The following DPYD variants were observed in gnomAD, a reference collection of about 807,000 sequenced individuals.
DPYD encodes the protein dihydropyrimidine dehydrogenase.
A neutral mutation model predicts 116.2 loss-of-function variants in DPYD; 109 were observed. The ratio of observed to expected loss-of-function variants is 0.94; its 90% CI spans 0.80 to 1.10. The LOEUF is 1.10. DPYD is among the 50% of genes least tolerant of loss of function. The probability of loss-of-function intolerance (pLI) is 0.00; values close to 1 mark genes in which losing one functional copy is unlikely to be tolerated. For missense variants in DPYD, 1,302 were observed against 1,254.5 expected, an observed-to-expected ratio of 1.04 and a Z score of -0.57; for synonymous variants, 440 against 432.0, an observed-to-expected ratio of 1.02 and a Z score of -0.23.
chr1:97,792,192 G>C (rs981190346), intron 3 of DPYD, among the ~76,000 whole-genome samples: 10 of 152,228 alleles, frequency 6.6e-5, no homozygotes, highest in African/African-American at 2.4e-4. Context: ...CTTAATCATA[G>C]ATACTCCTGA....
chr1:97,438,292 C>G (rs1249740588), intron 14 of DPYD, among the ~76,000 whole-genome samples: 1 of 152,000 alleles, frequency 6.6e-6, no homozygotes, highest in Non-Finnish European at 1.5e-5. Flanking sequence ...GCACTTTATC[C>G]ATAGATAAAA....
intron 18 of DPYD, among the ~76,000 whole-genome samples, chr1:97,246,387 T>G (rs1454493969): frequency 6.6e-6 from 1 of 152,016 alleles, no homozygotes; most frequent in Non-Finnish European, 1.5e-5. Context: ...CAGACACTGC[T>G]GAAACTTAGA....
chr1:97,618,532 T>C (rs1656437544), intron 8 of DPYD, among the ~76,000 whole-genome samples: 1 of 152,028 alleles, frequency 6.6e-6, no homozygotes, highest in African/African-American at 2.4e-5. Context: ...TGTGCCACCA[T>C]GCCCGGTTAA....
At chr1:97,473,630 GACA>G (rs750946526) in intron 13 of DPYD, among the ~76,000 whole-genome samples, 95 of 152,106 alleles carry the variant, frequency 6.2e-4, no homozygotes, top group Non-Finnish European at 1.2e-3. Flanking sequence ...AAAGTCAAGG[GACA>G]ACAAGTATTG....
chr1:97,150,032 T>A (rs1344170009), intron 20 of DPYD, among the ~76,000 whole-genome samples: 1 of 152,142 alleles, frequency 6.6e-6, no homozygotes, highest in Non-Finnish European at 1.5e-5. Context: ...TACTTCCTCT[T>A]TTTTTCTCTA....
intron 11 of DPYD, among the ~76,000 whole-genome samples, chr1:97,560,342 T>C (rs1046356147): frequency 1.3e-5 from 2 of 152,004 alleles, no homozygotes; most frequent in Non-Finnish European, 2.9e-5. Context: ...AGAAATATAA[T>C]GTAGGTAAAT....
intron 16 of DPYD, among the ~76,000 whole-genome samples, chr1:97,312,862 A>C (rs1667597286): frequency 6.6e-6 from 1 of 151,874 alleles, no homozygotes; most frequent in Non-Finnish European, 1.5e-5. Context: ...AATATAGGTA[A>C]ATTATTTCTA....
At chr1:97,718,833 C>G (rs1028367684) in intron 5 of DPYD, among the ~76,000 whole-genome samples, 2 of 151,318 alleles carry the variant, frequency 1.3e-5, no homozygotes, top group Non-Finnish European at 3.0e-5. Context: ...ATATATAATT[C>G]TTTCAAAATT....
chr1:97,683,774 T>C (rs12059591), intron 7 of DPYD, among the ~76,000 whole-genome samples: 3,023 of 151,948 alleles, frequency 0.02, 110 homozygotes, highest in African/African-American at 0.069. Flanking sequence ...AAAATGCAAA[T>C]ATGGCTAATA....
chr1:97,137,299 G>T (rs1404862559), intron 20 of DPYD, among the ~76,000 whole-genome samples: 1 of 152,238 alleles, frequency 6.6e-6, no homozygotes, highest in Non-Finnish European at 1.5e-5. Flanking sequence ...GCCTCGGAGA[G>T]ACTGAAAATA....
intron 8 of DPYD, among the ~76,000 whole-genome samples, chr1:97,638,148 G>A (rs995873439): frequency 1.3e-5 from 2 of 152,078 alleles, no homozygotes; most frequent in Admixed American, 1.3e-4. Flanking sequence ...TCATCTGGAA[G>A]GCAGAAGGTT....
chr1:97,784,768 T>A (rs902401702), intron 3 of DPYD, among the ~76,000 whole-genome samples: 1 of 152,198 alleles, frequency 6.6e-6, no homozygotes, highest in Non-Finnish European at 1.5e-5. Flanking sequence ...CAATGTGACA[T>A]TGTCATGAGA....
chr1:97,459,892 GT>G (rs1231088381), intron 13 of DPYD, among the ~76,000 whole-genome samples: 2 of 152,046 alleles, frequency 1.3e-5, no homozygotes, highest in African/African-American at 4.8e-5. Flanking sequence ...ATAGTACACT[GT>G]TTAGAAATAC....
At chr1:97,525,758 T>TAGAGAGAGAGAGAGAG (rs58098297) in intron 12 of DPYD, among the ~76,000 whole-genome samples, 6,181 of 108,112 alleles carry the variant, frequency 0.057, 277 homozygotes, top group East Asian at 0.1. Context: ...CCTGGGTAAT[T>TAGAGAGAGAGAGAGAG]AGAGAGAGAG....
At chr1:97,607,570 G>A (rs954022025) in intron 8 of DPYD, among the ~76,000 whole-genome samples, 2 of 151,724 alleles carry the variant, frequency 1.3e-5, no homozygotes, top group Non-Finnish European at 2.9e-5. Context: ...CAGGGAGAGC[G>A]TATACAATAA....
intron 1 of DPYD, among the ~76,000 whole-genome samples, chr1:97,912,448 T>G (rs1014554727): frequency 1.3e-5 from 2 of 152,132 alleles, no homozygotes; most frequent in African/African-American, 4.8e-5. Flanking sequence ...GAAATGCTTT[T>G]GATAGGACAA....
chr1:97,306,283 C>T lies in DPYD; in HGVS notation c.2073G>A (p.Val691=), dbSNP rs1170908470. The T allele has an allele frequency of 6.2e-7, 1 of 1,612,166 alleles. No homozygotes were observed. Among genetic ancestry groups the T allele is most frequent in the Non-Finnish European group, 8.5e-7 (1 of 1,178,784 alleles). Residue 691 remains valine (V), a synonymous_variant, in exon 17 of 23, where the codon GTG becomes GTA. Coordinates refer to ENST00000370192, the MANE Select transcript of DPYD (RefSeq NM_000110.4). ...GCCTAACCCAGCGGCAGATGTTCCG[C>T]ACCAGCTCTGGATCCTGTTCAAATA... The part of the protein sequence containing the change: ...GLACGQDPEL[V]RNICRWVRQA...
At chr1:97,080,743 A>C (rs893546456) in intron 22 of DPYD, among the ~76,000 whole-genome samples, 3 of 152,164 alleles carry the variant, frequency 2.0e-5, no homozygotes, top group Admixed American at 6.6e-5. Flanking sequence ...AAAATCTGCA[A>C]AGATATAAAA....
chr1:97,334,467 CA>C (rs1257164019), intron 16 of DPYD, among the ~76,000 whole-genome samples: 1 of 152,064 alleles, frequency 6.6e-6, no homozygotes, highest in Non-Finnish European at 1.5e-5. Context: ...CATTAAAAAA[CA>C]AACAAACAAA....
Sources: allele counts gnomAD v4.1 joint callset (sites outside exome capture counted in the v4.1 genomes callset), GRCh38; gene constraint gnomAD v4.1.1; transcripts MANE v1.5; gene names NCBI Gene and HGNC (gene_info 2026-07-23, HGNC 2026-07-21).